Variants in RUFY3 observed in about 807,000 individuals in gnomAD.
RUFY3 encodes protein RUFY3.
Under a neutral mutation model 84.0 loss-of-function variants are expected in RUFY3, and 34 were observed. That is an observed-to-expected ratio of 0.40 (90% confidence interval 0.31 to 0.54). RUFY3 has a LOEUF of 0.54. Among genes scored for constraint, RUFY3 ranks in the 20% least tolerant of loss-of-function variants. The probability of loss-of-function intolerance (pLI) is 0.39; values close to 1 mark genes in which losing one functional copy is unlikely to be tolerated. For synonymous variants in RUFY3, 242 were observed against 252.9 expected, an observed-to-expected ratio of 0.96 and a Z score of 0.41; for missense variants, 507 against 736.8, an observed-to-expected ratio of 0.69 and a Z score of 3.61.
At chr4:70,775,864 C>T (rs116591194) in intron 7 of RUFY3, among the ~76,000 whole-genome samples, 2,942 of 150,314 alleles carry the variant, frequency 0.02, 109 homozygotes, top group African/African-American at 0.069. Flanking sequence ...TCACTTGAGC[C>T]TGGGAAGCTG....
chr4:70,732,393 C>G (rs1343089566), intron 1 of RUFY3, among the ~76,000 whole-genome samples: 1 of 152,136 alleles, frequency 6.6e-6, no homozygotes, highest in Non-Finnish European at 1.5e-5. Flanking sequence ...CAGTGATTCC[C>G]TATTACTCCA....
chr4:70,727,656 G>A (rs533969994), intron 1 of RUFY3, among the ~76,000 whole-genome samples: 11 of 151,362 alleles, frequency 7.3e-5, no homozygotes, highest in African/African-American at 2.2e-4. Context: ...GCGTGGTGGC[G>A]GGTGCCTGTA....
chr4:70,783,306 C>G, intron 9 of RUFY3, 123 bp downstream of exon 9: 1 of 639,300 alleles, frequency 1.6e-6, no homozygotes, highest in Non-Finnish European at 2.8e-6. Flanking sequence ...TTTATTTAGA[C>G]TCCATGCATA....
intron 14 of RUFY3, among the ~76,000 whole-genome samples, chr4:70,798,532 T>C (rs1368857886): frequency 6.6e-6 from 1 of 151,712 alleles, no homozygotes; most frequent in Non-Finnish European, 1.5e-5. Context: ...GGCTCATGCC[T>C]GAACTTTGTG....
chr4:70,724,496 A>G (rs1717900008), intron 1 of RUFY3, among the ~76,000 whole-genome samples: 2 of 152,240 alleles, frequency 1.3e-5, no homozygotes, highest in African/African-American at 4.8e-5. Context: ...TAGCAGCGCC[A>G]TTTGAATTCT....
chr4:70,788,193 G>A (rs573700970), intron 10 of RUFY3, among the ~76,000 whole-genome samples: 21 of 151,834 alleles, frequency 1.4e-4, no homozygotes, highest in Non-Finnish European at 2.4e-4. Flanking sequence ...GCTGAGGCAG[G>A]AGAATCGCTT....
chr4:70,778,346 T>C, intron 7 of RUFY3, 23 bp from the exon 8 acceptor site: 1 of 1,436,512 alleles, frequency 7.0e-7, no homozygotes, highest in African/African-American at 1.4e-5. Flanking sequence ...AAAAGTGACT[T>C]TTTTTTCTTC....
rs1732888007 is a variant in RUFY3, at chr4:70,806,675, C to T, written c.*16C>T. The T allele has an allele frequency of 6.2e-7, 1 of 1,613,782 alleles. No homozygotes were observed. The highest frequency in any genetic ancestry group is 8.5e-7 in the Non-Finnish European group (1 of 1,179,884). ...CCCATCATAAGACTGGAGGCCAAGA[C>T]CTGGACCAAAACGTTTATGCAGGCT... is the stretch of plus-strand genomic sequence containing the variant. On this transcript the variant is annotated 3_prime_UTR_variant, in exon 18 of 18. Coordinates refer to ENST00000381006, the MANE Select transcript of RUFY3 (RefSeq NM_001037442.4).
At chr4:70,778,311 A>G in intron 7 of RUFY3, 58 bp from the exon 8 acceptor site, 2 of 785,204 alleles carry the variant, frequency 2.5e-6, no homozygotes, top group South Asian at 1.7e-5. Context: ...TTAAAAAGGA[A>G]GGTACAGAGT....
upstream of RUFY3, among the ~76,000 whole-genome samples, chr4:70,718,411 T>G (rs1741881120): frequency 6.6e-6 from 1 of 152,174 alleles, no homozygotes; most frequent in African/African-American, 2.4e-5. Context: ...AAATACAGAC[T>G]GTTTAAGCAG....
At position 70,760,318 on chromosome 4, in the gene RUFY3, A is replaced by C. The variant is rs145263893; in HGVS notation, c.179-2201A>C. ...ACTTAACCCAAGTCTATCTCTCACC[A>C]CATGACTAGTTCTCACTACGTTGGA... On this transcript the variant is annotated intron_variant, in intron 1 of 17. Coordinates refer to ENST00000381006, the MANE Select transcript of RUFY3 (RefSeq NM_001037442.4). Among the ~76,000 whole-genome samples, 694 of 152,322 alleles carry C rather than the reference A, an allele frequency of 4.6e-3. 4 individuals carry two copies. The highest frequency in any genetic ancestry group is 0.016 in the African/African-American group (663 of 41,582).
At chr4:70,725,229 GCCT>G (rs1718031081) in intron 1 of RUFY3, among the ~76,000 whole-genome samples, 1 of 152,042 alleles carries the variant, frequency 6.6e-6, no homozygotes, top group Non-Finnish European at 1.5e-5. Flanking sequence ...TAGAGTTTCT[GCCT>G]ACTTTAACCC....
At chr4:70,792,387 G>A in intron 12 of RUFY3, 2 of 963,498 alleles carry the variant, frequency 2.1e-6, no homozygotes, top group Non-Finnish European at 2.5e-6. Flanking sequence ...TTATTATTTA[G>A]TACAAAAATA....
chr4:70,746,046 C>T (rs1191555345), intron 1 of RUFY3, among the ~76,000 whole-genome samples: 2 of 150,658 alleles, frequency 1.3e-5, no homozygotes. Flanking sequence ...TCTCAAAACA[C>T]AACAACAAAA....
intron 1 of RUFY3, 151 bp downstream of exon 1, chr4:70,722,902 C>T: frequency 1.5e-6 from 1 of 656,398 alleles, no homozygotes; most frequent in Non-Finnish European, 2.4e-6. Flanking sequence ...CCCAGCTCCC[C>T]TTCTCTTGCT....
intron 1 of RUFY3, among the ~76,000 whole-genome samples, chr4:70,744,817 G>C (rs1276295777): frequency 6.6e-6 from 1 of 151,540 alleles, no homozygotes; most frequent in South Asian, 2.1e-4. Flanking sequence ...ACCACATCTG[G>C]CTAATTTTTG....
At chr4:70,784,007 G>A (rs1729361082) in intron 9 of RUFY3, among the ~76,000 whole-genome samples, 1 of 152,158 alleles carries the variant, frequency 6.6e-6, no homozygotes, top group Admixed American at 6.5e-5. Flanking sequence ...GAGTTACTAG[G>A]CTCTGCGAGG....
chr4:70,704,845 C>G, exon 1 of RUFY3: 2 of 847,734 alleles, frequency 2.4e-6, no homozygotes, highest in Non-Finnish European at 3.1e-6. Flanking sequence ...GCGCAGCGGA[C>G]GGGACGGGGC....
Position 70,756,720 on chromosome 4 carries a change from G to GGAGCC in RUFY3, c.179-5798_179-5794dup, listed in dbSNP as rs770213340. Among the ~76,000 whole-genome samples the GGAGCC allele has an allele frequency of 8.2e-4, 125 of 152,108 alleles. 1 individual carries two copies. Among genetic ancestry groups the GGAGCC allele is most frequent in the Middle Eastern group, 6.8e-3 (2 of 294 alleles). On this transcript the variant is annotated intron_variant, in intron 1 of 17. Coordinates refer to ENST00000381006, the MANE Select transcript of RUFY3 (RefSeq NM_001037442.4). ...GCCCCTAAAATTGAAGGAAAAATAG[G>GGAGCC]GAGCCAGGTCAGATACCTTTCTCCT...
Sources: gnomAD v4.1 joint callset for allele counts (sites outside exome capture counted in the v4.1 genomes callset) on GRCh38, gnomAD v4.1.1 for gene constraint, MANE v1.5 for transcripts, NCBI Gene and HGNC (gene_info 2026-07-23, HGNC 2026-07-21) for gene names.